The following FBXW7 variants were observed in gnomAD, a reference collection of about 807,000 sequenced individuals.
FBXW7 encodes the protein F-box/WD repeat-containing protein 7.
A neutral mutation model predicts 86.3 loss-of-function variants in FBXW7; 11 were observed. That is an observed-to-expected ratio of 0.13 (90% confidence interval 0.08 to 0.21). The LOEUF (loss-of-function observed/expected upper bound fraction) is 0.21, where lower values mean the gene tolerates loss of function less well. Ranked by LOEUF, FBXW7 falls within the 10% of genes least tolerant of loss-of-function variation. The probability of loss-of-function intolerance (pLI) is 1.00; values close to 1 mark genes in which losing one functional copy is unlikely to be tolerated. For synonymous variants in FBXW7, 313 were observed against 297.9 expected (o/e 1.05, Z -0.52); for missense variants, 488 against 847.4 (o/e 0.58, Z 5.27).
chr4:152,379,260 G>GA (rs1734839801), intron 4 of FBXW7, among the ~76,000 whole-genome samples: 1 of 151,800 alleles, frequency 6.6e-6, no homozygotes, highest in Non-Finnish European at 1.5e-5. Context: ...CAAAATAACT[G>GA]GTTATTTTAA....
intron 2 of FBXW7, among the ~76,000 whole-genome samples, chr4:152,416,254 C>T (rs936928559): frequency 2.6e-5 from 4 of 152,148 alleles, no homozygotes; most frequent in African/African-American, 9.6e-5. Context: ...AAAAGAACTT[C>T]GAGCCAGGTC....
rs548016213 is a variant in FBXW7 at position 152,496,162 on chromosome 4, G to A, written c.-120+38779C>T. 1.9e-3 allele frequency among the ~76,000 whole-genome samples: 294 copies of A among 152,194 alleles called. 1 individual carries two copies. In the Middle Eastern group the frequency reaches 0.024, roughly 12 times the overall value. ...ACTGCACTCCAGCCTAGGTGTCAGA[G>A]TAAGACACACCACCTCAAACAAACA... On this transcript the variant is annotated intron_variant, in intron 2 of 13. Transcript: ENST00000281708.
At chr4:152,514,286 T>C (rs1748258083) in intron 2 of FBXW7, among the ~76,000 whole-genome samples, 1 of 152,160 alleles carries the variant, frequency 6.6e-6, no homozygotes, top group Non-Finnish European at 1.5e-5. Flanking sequence ...AGCAACATTC[T>C]TCCCAGAGCA....
intron 2 of FBXW7, among the ~76,000 whole-genome samples, chr4:152,500,103 C>CA (rs1376427641): frequency 6.6e-6 from 1 of 152,160 alleles, no homozygotes; most frequent in Non-Finnish European, 1.5e-5. Context: ...GCACTGCCCT[C>CA]AAAGTATTTC....
At chr4:152,454,875 A>C (rs1428139703) in intron 2 of FBXW7, among the ~76,000 whole-genome samples, 3 of 152,188 alleles carry the variant, frequency 2.0e-5, no homozygotes, top group African/African-American at 4.8e-5. Context: ...TCTACCAAAC[A>C]ATGCACCTCC....
intron 4 of FBXW7, among the ~76,000 whole-genome samples, chr4:152,359,710 C>G (rs1732745636): frequency 6.6e-6 from 1 of 152,012 alleles, no homozygotes; most frequent in African/African-American, 2.4e-5. Flanking sequence ...TTGCAGTGAG[C>G]TGAGATCGTG....
At chr4:152,419,401 TA>T (rs1212113653) in intron 2 of FBXW7, among the ~76,000 whole-genome samples, 1 of 151,728 alleles carries the variant, frequency 6.6e-6, no homozygotes, top group Non-Finnish European at 1.5e-5. Flanking sequence ...TTTTCAGTTT[TA>T]AGAATGGGGT....
At chr4:152,504,570 A>G (rs1430237929) in intron 2 of FBXW7, among the ~76,000 whole-genome samples, 2 of 152,194 alleles carry the variant, frequency 1.3e-5, no homozygotes, top group Admixed American at 1.3e-4. Context: ...ACTAAAAAAC[A>G]TGAACCAGTT....
intron 5 of FBXW7, 95 bp from the exon 6 acceptor site, chr4:152,347,166 C>A (rs1578947872): frequency 9.7e-7 from 1 of 1,027,944 alleles, no homozygotes; most frequent in South Asian, 1.7e-5. Context: ...GATTCTAGTA[C>A]AAAGAATGAT....
chr4:152,521,104 C>A (rs189148014), intron 2 of FBXW7, among the ~76,000 whole-genome samples: 7 of 152,156 alleles, frequency 4.6e-5, no homozygotes, highest in Admixed American at 3.3e-4. Flanking sequence ...TACAATGTGG[C>A]AGGAATGTTA....
intron 2 of FBXW7, among the ~76,000 whole-genome samples, chr4:152,443,577 C>T (rs565961212): frequency 1.3e-5 from 2 of 152,034 alleles, no homozygotes; most frequent in South Asian, 2.1e-4. Flanking sequence ...ATATAGTTGG[C>T]GGTCTTTTAA....
intron 2 of FBXW7, among the ~76,000 whole-genome samples, chr4:152,444,250 A>G (rs1741167386): frequency 6.6e-6 from 1 of 152,216 alleles, no homozygotes; most frequent in Non-Finnish European, 1.5e-5. Flanking sequence ...TTAAATCATG[A>G]GCACTTTCCT....
intron 2 of FBXW7, among the ~76,000 whole-genome samples, chr4:152,465,769 A>G (rs911682841): frequency 2.0e-5 from 3 of 151,152 alleles, no homozygotes; most frequent in African/African-American, 7.3e-5. Context: ...GCTTGAACCC[A>G]GGAGGCAGAG....
At chr4:152,532,064 T>G (rs1313273058) in intron 2 of FBXW7, among the ~76,000 whole-genome samples, 2 of 152,212 alleles carry the variant, frequency 1.3e-5, no homozygotes, top group Admixed American at 1.3e-4. Flanking sequence ...TTTTCAGCTC[T>G]TCACTTTCCA....
At chr4:152,370,882 A>G (rs928453643) in intron 4 of FBXW7, among the ~76,000 whole-genome samples, 1 of 151,946 alleles carries the variant, frequency 6.6e-6, no homozygotes, top group Non-Finnish European at 1.5e-5. Context: ...TTATAAATAT[A>G]TAAACACAAG....
chr4:152,369,352 A>G (rs1359707815), intron 4 of FBXW7, among the ~76,000 whole-genome samples: 1 of 152,060 alleles, frequency 6.6e-6, no homozygotes, highest in Non-Finnish European at 1.5e-5. Flanking sequence ...CTGACCCTAT[A>G]ATCCGCGCTC....
At chr4:152,427,856 A>G (rs1237963701) in intron 2 of FBXW7, among the ~76,000 whole-genome samples, 4 of 152,226 alleles carry the variant, frequency 2.6e-5, no homozygotes, top group Non-Finnish European at 5.9e-5. Context: ...ACACTTGGAA[A>G]AGAATGACAA....
At chr4:152,449,586 C>T (rs1388296998) in intron 2 of FBXW7, among the ~76,000 whole-genome samples, 2 of 152,142 alleles carry the variant, frequency 1.3e-5, no homozygotes, top group African/African-American at 2.4e-5. Flanking sequence ...TAGGTAGGTA[C>T]TGACCACAAG....
At chr4:152,528,664 T>C (rs1478078696) in intron 2 of FBXW7, among the ~76,000 whole-genome samples, 1 of 152,156 alleles carries the variant, frequency 6.6e-6, no homozygotes, top group Non-Finnish European at 1.5e-5. Context: ...ATATAATTAC[T>C]AGAAGATATA....
Sources: allele counts gnomAD v4.1 joint callset (sites outside exome capture counted in the v4.1 genomes callset), GRCh38; gene constraint gnomAD v4.1.1; transcripts MANE v1.5; gene names NCBI Gene and HGNC (gene_info 2026-07-23, HGNC 2026-07-21).